Variants in MYEF2 observed in about 807,000 individuals in gnomAD.
MYEF2 encodes myelin gene expression factor 2.
Under a neutral mutation model 75.2 loss-of-function variants are expected in MYEF2, and 37 were observed. The ratio of observed to expected loss-of-function variants is 0.49; its 90% CI spans 0.38 to 0.65. The LOEUF (loss-of-function observed/expected upper bound fraction) is 0.65. MYEF2 is among the 30% of genes least tolerant of loss of function. The pLI is 0.00. For synonymous variants in MYEF2, 195 were observed against 241.6 expected, an observed-to-expected ratio of 0.81 and a Z score of 1.79; for missense variants, 634 against 771.4, an observed-to-expected ratio of 0.82 and a Z score of 2.11.
At chr15:48,165,533 T>G (rs142860717) in intron 5 of MYEF2, among the ~76,000 whole-genome samples, 1,811 of 152,128 alleles carry the variant, frequency 0.012, 38 homozygotes, top group African/African-American at 0.042. Flanking sequence ...AATATCAATT[T>G]TATTCAAATC....
rs774667360 is a variant in MYEF2, at chr15:48,143,045, T to C, written c.1666A>G (p.Met556Val). Reference sequence around the variant, plus strand: ...CAGCCTTTTGACTTTCCATTCTCCATTTTTATTTCTGCAAACATTACATGA... The same window carrying C: ...CAGCCTTTTGACTTTCCATTCTCCACTTTTATTTCTGCAAACATTACATGA... ...CGHVMFAEIK[M>V]ENGKSKGCGT... The change falls in exon 17 of 17, where the codon ATG becomes GTG. Residue 556 changes from methionine (M) to valine (V), a missense_variant. Met to Val is a conservative substitution (Grantham distance 21). Coordinates refer to ENST00000324324, the MANE Select transcript of MYEF2 (RefSeq NM_016132.5). 3 of 1,573,956 alleles carry C rather than the reference T, an allele frequency of 1.9e-6. No homozygotes were observed. The East Asian group carries it at 7.1e-5, about 37-fold the overall frequency.
At chr15:48,145,120 A>G (rs971311914) in intron 16 of MYEF2, among the ~76,000 whole-genome samples, 83 of 151,940 alleles carry the variant, frequency 5.5e-4, no homozygotes, top group African/African-American at 1.8e-3. Flanking sequence ...TCTAGTTGAC[A>G]AGTTCCCTCA....
At position 48,142,900 on chromosome 15, in the gene MYEF2, G is replaced by C. The variant is rs1274700886; in HGVS notation, c.*8C>G. 6.3e-7 allele frequency: 1 copy of C among 1,585,892 alleles called. No individual in the cohort carries two copies. ...CAGATGTAGGAATGTTCCAACCATG[G>C]CTTGAAATTATGCATTACGATCCAA... On this transcript the variant is annotated 3_prime_UTR_variant, in exon 17 of 17. Transcript: ENST00000324324.
chr15:48,147,571 C>T (rs188989156), intron 16 of MYEF2, among the ~76,000 whole-genome samples: 6 of 152,064 alleles, frequency 3.9e-5, no homozygotes, highest in Admixed American at 6.6e-5. Flanking sequence ...CCAGACACTG[C>T]TTACTCATTC....
At chr15:48,158,706 A>G in intron 7 of MYEF2, 63 bp downstream of exon 7, 1 of 1,593,538 alleles carries the variant, frequency 6.3e-7, no homozygotes, top group South Asian at 1.1e-5. Context: ...CCCCCCGCCA[A>G]AACAAAGGTG....
intron 5 of MYEF2, chr15:48,162,748 G>T (rs1182699582): frequency 6.6e-6 from 1 of 152,096 alleles, no homozygotes; most frequent in East Asian, 1.9e-4. Context: ...CTGTTATGGT[G>T]ATCTGTGATC....
Position 48,149,356 on chromosome 15 carries a change from C to T in MYEF2, c.1394G>A (p.Ser465Asn), listed in dbSNP as rs200959924. The T allele has an allele frequency of 6.2e-6, 10 of 1,612,604 alleles. No individual in the cohort carries two copies. The South Asian group carries it at 6.6e-5, about 11-fold the overall frequency. ...CATTCCTCCAGTCACACTGTTCATG[C>T]TACCCATTCCACCACCTGGATTTTC... ...VGSGISGGMG[S>N]MNSVTGGMGM... Residue 465 changes from serine (S) to asparagine (N), a missense_variant, in exon 15 of 17, where the codon AGC becomes AAC. Physicochemically the swap from Ser to Asn is conservative, Grantham distance 46. Coordinates refer to ENST00000324324, the MANE Select transcript of MYEF2 (RefSeq NM_016132.5). The surrounding 1 kb of genome is among the most constrained non-coding windows in gnomAD (Gnocchi z 4.0).
At chr15:48,171,179 A>C (rs2040328089) in intron 1 of MYEF2, among the ~76,000 whole-genome samples, 1 of 152,232 alleles carries the variant, frequency 6.6e-6, no homozygotes, top group Admixed American at 6.5e-5. Flanking sequence ...CTTTCTTTTC[A>C]ATTCCCAAAG....
chr15:48,139,299 C>G lies in MYEF2; in HGVS notation c.*3609G>C, dbSNP rs2038983181. 2.8e-6 allele frequency: 2 copies of G among 710,116 alleles called. No homozygotes were observed. The highest frequency in any genetic ancestry group is 4.7e-6 in the Non-Finnish European group (2 of 428,546). The allele number at this position is 710,116 out of a possible 1,614,324, so 44.0% of individuals were successfully genotyped here. On this transcript the variant is annotated 3_prime_UTR_variant, in exon 17 of 17. Transcript: ENST00000324324. ...TTTCAGCAAGATTGAAGATTAGTAC[C>G]ATTTACAAAATGATTAAGTATTACT...
chr15:48,146,859 C>A (rs1401103211), intron 16 of MYEF2, among the ~76,000 whole-genome samples: 3 of 152,054 alleles, frequency 2.0e-5, no homozygotes, highest in South Asian at 4.1e-4. Flanking sequence ...TTCATACTAG[C>A]TAGATAATTT....
Position 48,142,985 on chromosome 15 carries a change from C to T in MYEF2, c.1726G>A (p.Glu576Lys). ...CCATTCATTATTCTGCAGGCTTTTT[C>T]AGCTGATTCTGGGGAGTCAAATCTG... ...TVRFDSPESA[E>K]KACRIMNGIK... Residue 576 changes from glutamate to lysine, a missense_variant, in exon 17 of 17, where the codon GAA becomes AAA. Glu to Lys is a moderately conservative substitution (Grantham distance 56). Transcript: ENST00000324324. 1 of 1,604,208 alleles carries T rather than the reference C, an allele frequency of 6.2e-7. No homozygotes were observed. The highest frequency in any genetic ancestry group is 8.5e-7 in the Non-Finnish European group (1 of 1,175,940).
At chr15:48,175,458 T>A (rs1301741594) in intron 1 of MYEF2, among the ~76,000 whole-genome samples, 1 of 152,190 alleles carries the variant, frequency 6.6e-6, no homozygotes, top group Non-Finnish European at 1.5e-5. Flanking sequence ...AGATCTTAAG[T>A]ATTTTCAACA....
At chr15:48,156,235 C>T (rs2039690893) in intron 9 of MYEF2, among the ~76,000 whole-genome samples, 1 of 151,986 alleles carries the variant, frequency 6.6e-6, no homozygotes, top group Non-Finnish European at 1.5e-5. Flanking sequence ...AGGACAAAAA[C>T]ACACTAAACC....
chr15:48,155,208 A>T (rs2039648373), intron 9 of MYEF2, among the ~76,000 whole-genome samples: 1 of 152,116 alleles, frequency 6.6e-6, no homozygotes, highest in African/African-American at 2.4e-5. Context: ...CAGTAAAAAA[A>T]TAGGAAAAAT....
chr15:48,158,577 C>T (rs1024301425), intron 7 of MYEF2, among the ~76,000 whole-genome samples, 192 bp downstream of exon 7: 1 of 152,104 alleles, frequency 6.6e-6, no homozygotes, highest in African/African-American at 2.4e-5. Flanking sequence ...CAGCCCTGTA[C>T]AATATGGCCA....
At chr15:48,172,694 A>G (rs1006825293) in intron 1 of MYEF2, among the ~76,000 whole-genome samples, 4 of 152,034 alleles carry the variant, frequency 2.6e-5, no homozygotes, top group African/African-American at 9.6e-5. Flanking sequence ...ACATTATAAC[A>G]GATACCACAG....
intron 7 of MYEF2, among the ~76,000 whole-genome samples, 195 bp downstream of exon 7, chr15:48,158,574 G>A (rs1014784504): frequency 6.6e-6 from 1 of 152,102 alleles, no homozygotes; most frequent in Non-Finnish European, 1.5e-5. Flanking sequence ...TACCAGCCCT[G>A]TACAATATGG....
chr15:48,167,310 C>T, intron 3 of MYEF2, 39 bp downstream of exon 3: 1 of 1,601,852 alleles, frequency 6.2e-7, no homozygotes, highest in Non-Finnish European at 8.5e-7. Flanking sequence ...TGCTGAGGAA[C>T]TTTTAAACCT....
rs577455301 is a variant in MYEF2 at position 48,135,032 on chromosome 15, T to G, written c.*7876A>C. 1.1e-5 allele frequency: 16 copies of G among 1,426,036 alleles called. No individual in the cohort carries two copies. Among genetic ancestry groups the G allele is most frequent in the Admixed American group, 1.7e-5 (1 of 57,564 alleles). 88.3% of individuals were successfully genotyped at this position (1,426,036 alleles called of 1,614,324 possible). On this transcript the variant is annotated 3_prime_UTR_variant, in exon 17 of 17. Coordinates refer to ENST00000324324, the MANE Select transcript of MYEF2 (RefSeq NM_016132.5). ...TGTAAAAATTAGAGATTTTATGAAT[T>G]TCTGATGGTTCAGTAATTTTTTTTC...
Sources: allele counts gnomAD v4.1 joint callset (sites outside exome capture counted in the v4.1 genomes callset), GRCh38; gene constraint gnomAD v4.1.1; non-coding constraint Gnocchi (gnomAD v3.1); transcripts MANE v1.5; gene names NCBI Gene and HGNC (gene_info 2026-07-23, HGNC 2026-07-21).